Variants in IKBKB-DT observed in about 807,000 individuals in gnomAD.
IKBKB-DT encodes IKBKB antisense RNA.
intron 3 of IKBKB-DT, among the ~76,000 whole-genome samples, chr8:42,255,807 C>T (rs1196868366): frequency 1.3e-5 from 2 of 151,890 alleles, no homozygotes; most frequent in Non-Finnish European, 2.9e-5. Flanking sequence ...GGGTGGATCA[C>T]GAGGTCAGGA....
chr8:42,243,030 G>T (rs570081880), intron 3 of IKBKB-DT, among the ~76,000 whole-genome samples: 2 of 152,210 alleles, frequency 1.3e-5, no homozygotes, highest in Non-Finnish European at 2.9e-5. Context: ...TGGCTTAAGG[G>T]TACGGCTTTG....
chr8:42,259,315 G>A (rs1807250129), intron 3 of IKBKB-DT, among the ~76,000 whole-genome samples: 1 of 152,164 alleles, frequency 6.6e-6, no homozygotes, highest in Non-Finnish European at 1.5e-5. Flanking sequence ...ATGAGCTACT[G>A]TGCCCAGCCT....
chr8:42,253,745 G>A lies in IKBKB-DT; in HGVS notation n.1529+9584C>T, dbSNP rs746087034. ...TACTTTCTGCAGAAAGGGTACACTC[G>A]CCAGCAGTTTTGCCATGAGAGTACA... On this transcript the variant is annotated intron_variant and non_coding_transcript_variant, in intron 3 of 3. Coordinates refer to ENST00000518213, the Ensembl canonical transcript of IKBKB-DT. Among the ~76,000 whole-genome samples, 26 of 152,230 alleles carry A rather than the reference G, an allele frequency of 1.7e-4. 1 individual carries two copies. Among genetic ancestry groups the A allele is most frequent in the Middle Eastern group, 3.4e-3 (1 of 294 alleles).
At chr8:42,260,588 T>C (rs1807272148) in intron 3 of IKBKB-DT, among the ~76,000 whole-genome samples, 1 of 148,418 alleles carries the variant, frequency 6.7e-6, no homozygotes, top group Non-Finnish European at 1.5e-5. Flanking sequence ...GGGAATCGCT[T>C]GACTCTGGGG....
At chr8:42,235,151 T>C (rs370918349) in intron 3 of IKBKB-DT, among the ~76,000 whole-genome samples, 3 of 136,560 alleles carry the variant, frequency 2.2e-5, no homozygotes, top group Non-Finnish European at 4.7e-5. Flanking sequence ...TTTTTTCTTT[T>C]TTTTTTCTAA....
intron 3 of IKBKB-DT, among the ~76,000 whole-genome samples, chr8:42,261,370 C>G (rs1807287100): frequency 6.6e-6 from 1 of 152,068 alleles, no homozygotes; most frequent in Non-Finnish European, 1.5e-5. Flanking sequence ...ATGCAAGCCC[C>G]TTTAAATTAT....
chr8:42,252,192 G>C (rs562508133), intron 3 of IKBKB-DT, among the ~76,000 whole-genome samples: 1 of 152,298 alleles, frequency 6.6e-6, no homozygotes, highest in East Asian at 1.9e-4. Flanking sequence ...GATTAGGGTG[G>C]GATGGCCAGC....
chr8:42,267,152 C>T (rs1283060867), intron 1 of IKBKB-DT, among the ~76,000 whole-genome samples: 1 of 151,842 alleles, frequency 6.6e-6, no homozygotes, highest in African/African-American at 2.4e-5. Context: ...CTACAGGCGC[C>T]CGCCACCATG....
At chr8:42,252,513 G>A (rs187611377) in intron 3 of IKBKB-DT, among the ~76,000 whole-genome samples, 336 of 152,234 alleles carry the variant, frequency 2.2e-3, no homozygotes, top group African/African-American at 7.2e-3. Flanking sequence ...CTACCGGTGC[G>A]TGCCACCACA....
At chr8:42,236,862 A>T (rs879763519) in intron 3 of IKBKB-DT, among the ~76,000 whole-genome samples, 5 of 152,212 alleles carry the variant, frequency 3.3e-5, no homozygotes, top group African/African-American at 4.8e-5. Flanking sequence ...ATAGCCTTTT[A>T]AAAATATTTC....
At chr8:42,270,812 G>C (rs1285358136) in exon 1 of IKBKB-DT, 1 of 153,110 alleles carries the variant, frequency 6.5e-6, no homozygotes, top group Admixed American at 6.5e-5. Flanking sequence ...CACACTGCTA[G>C]GTCTTTTCTT....
intron 3 of IKBKB-DT, among the ~76,000 whole-genome samples, chr8:42,259,918 G>A (rs1245666347): frequency 2.7e-5 from 4 of 150,820 alleles, no homozygotes; most frequent in African/African-American, 9.8e-5. Flanking sequence ...AGAGGCGGAG[G>A]TTGCAGTGAG....
At chr8:42,268,774 C>T (rs1807414946) in intron 1 of IKBKB-DT, among the ~76,000 whole-genome samples, 2 of 152,004 alleles carry the variant, frequency 1.3e-5, no homozygotes, top group South Asian at 4.2e-4. Flanking sequence ...ACCATGTTGG[C>T]CAGGCTGGTC....
intron 3 of IKBKB-DT, among the ~76,000 whole-genome samples, chr8:42,237,231 T>A (rs1018629017): frequency 6.6e-6 from 1 of 151,826 alleles, no homozygotes; most frequent in Admixed American, 6.6e-5. Flanking sequence ...GGATTACAGG[T>A]GCCCATCACC....
intron 3 of IKBKB-DT, among the ~76,000 whole-genome samples, chr8:42,246,303 C>T (rs909628224): frequency 3.9e-5 from 6 of 152,148 alleles, no homozygotes; most frequent in Non-Finnish European, 7.3e-5. Context: ...GTTGGAATTA[C>T]AGGTGTAAGC....
At chr8:42,261,242 G>T (rs1807284453) in intron 3 of IKBKB-DT, among the ~76,000 whole-genome samples, 1 of 152,036 alleles carries the variant, frequency 6.6e-6, no homozygotes, top group East Asian at 1.9e-4. Context: ...TGGGAGGATT[G>T]CTTAAGCCTG....
intron 3 of IKBKB-DT, among the ~76,000 whole-genome samples, chr8:42,248,725 A>C (rs1807092512): frequency 6.6e-6 from 1 of 152,100 alleles, no homozygotes; most frequent in Non-Finnish European, 1.5e-5. Context: ...CTGAAAATAC[A>C]AAAAGTGGCC....
At chr8:42,256,713 T>C (rs1807205282) in intron 3 of IKBKB-DT, among the ~76,000 whole-genome samples, 1 of 152,180 alleles carries the variant, frequency 6.6e-6, no homozygotes, top group African/African-American at 2.4e-5. Flanking sequence ...TTCTGGAAGT[T>C]GAACGGTATG....
At chr8:42,236,598 C>T (rs552607533) in intron 3 of IKBKB-DT, among the ~76,000 whole-genome samples, 2 of 152,192 alleles carry the variant, frequency 1.3e-5, no homozygotes, top group South Asian at 4.1e-4. Flanking sequence ...AACCTCGTCT[C>T]TACTAAAAAT....
Sources: gnomAD v4.1 joint callset for allele counts (sites outside exome capture counted in the v4.1 genomes callset) on GRCh38, gnomAD v4.1.1 for gene constraint, MANE v1.5 for transcripts, NCBI Gene and HGNC (gene_info 2026-07-23, HGNC 2026-07-21) for gene names.